CSTPP1: variants seen among roughly 807,000 people sequenced by gnomAD.
CSTPP1 encodes centriolar satellite-associated tubulin polyglutamylase complex regulator 1.
At chr11:47,103,399 C>CAAA in the CSTPP1 span, among the ~76,000 whole-genome samples, 5 of 131,006 alleles carry the variant, frequency 3.8e-5, no homozygotes, top group South Asian at 2.4e-4. Flanking sequence ...GACCCTGTCT[C>CAAA]AAAAAAAAAA....
the CSTPP1 span, among the ~76,000 whole-genome samples, chr11:47,033,602 T>C: frequency 2.6e-5 from 4 of 152,230 alleles, no homozygotes; most frequent in Admixed American, 2.0e-4. Flanking sequence ...CATGATCTCC[T>C]TGATTGGCTC....
At chr11:47,069,698 GTTTAT>G in the CSTPP1 span, among the ~76,000 whole-genome samples, 1 of 151,938 alleles carries the variant, frequency 6.6e-6, no homozygotes, top group African/African-American at 2.4e-5. Context: ...TGTTGTTGCT[GTTTAT>G]TTTATTATTA....
chr11:46,955,517 C>A, the CSTPP1 span, among the ~76,000 whole-genome samples: 2 of 151,972 alleles, frequency 1.3e-5, no homozygotes, highest in Admixed American at 1.3e-4. Context: ...GTATGCGCCA[C>A]CACACCTGGC....
At chr11:47,137,597 G>A in the CSTPP1 span, 2 of 1,613,612 alleles carry the variant, frequency 1.2e-6, no homozygotes, top group African/African-American at 2.7e-5. Flanking sequence ...AGAGGGCAGT[G>A]ACTTGAAATG....
the CSTPP1 span, among the ~76,000 whole-genome samples, chr11:46,956,144 T>G: frequency 0.089 from 13,490 of 152,136 alleles, 1,998 homozygotes; most frequent in African/African-American, 0.31. Context: ...TGTGTGTGGG[T>G]GTGTAAGTTT....
At chr11:47,051,487 T>C in the CSTPP1 span, among the ~76,000 whole-genome samples, 1 of 152,152 alleles carries the variant, frequency 6.6e-6, no homozygotes, top group African/African-American at 2.4e-5. Flanking sequence ...GGCCACTTTA[T>C]ACCCTTGTTT....
At chr11:46,960,601 A>T in the CSTPP1 span, among the ~76,000 whole-genome samples, 2 of 152,204 alleles carry the variant, frequency 1.3e-5, no homozygotes, top group Non-Finnish European at 2.9e-5. Flanking sequence ...TGGCTAACCC[A>T]GCACTTTGGG....
At chr11:47,041,435 T>A in the CSTPP1 span, 1 of 276,824 alleles carries the variant, frequency 3.6e-6, no homozygotes, top group African/African-American at 2.2e-5. Context: ...TGTGTTCATG[T>A]CCCCAAGACC....
the CSTPP1 span, among the ~76,000 whole-genome samples, chr11:46,949,588 C>T: frequency 6.7e-6 from 1 of 148,902 alleles, no homozygotes; most frequent in South Asian, 2.1e-4. Flanking sequence ...GAGAAACAAA[C>T]TTAGAAGGAA....
chr11:46,941,375 T>C, the CSTPP1 span, among the ~76,000 whole-genome samples: 1 of 152,224 alleles, frequency 6.6e-6, no homozygotes, highest in Non-Finnish European at 1.5e-5. Flanking sequence ...AGTCTCGCTC[T>C]GTCACCCAGG....
chr11:47,088,458 T>C, the CSTPP1 span, among the ~76,000 whole-genome samples: 1 of 152,198 alleles, frequency 6.6e-6, no homozygotes, highest in Non-Finnish European at 1.5e-5. Flanking sequence ...ATTAATTACA[T>C]CTGTTTTGTA....
the CSTPP1 span, among the ~76,000 whole-genome samples, chr11:47,019,515 T>C: frequency 6.6e-6 from 1 of 152,166 alleles, no homozygotes. Context: ...GGGTTATTAG[T>C]TGACCTAATT....
chr11:46,996,212 G>A, the CSTPP1 span, among the ~76,000 whole-genome samples: 8 of 152,092 alleles, frequency 5.3e-5, no homozygotes, highest in Non-Finnish European at 7.4e-5. Flanking sequence ...GCACACTGAT[G>A]GGTCTTGACT....
chr11:47,054,874 T>A, the CSTPP1 span, among the ~76,000 whole-genome samples: 1 of 151,394 alleles, frequency 6.6e-6, no homozygotes, highest in African/African-American at 2.4e-5. Flanking sequence ...CTTGGGCCAC[T>A]GGGTAAGAAT....
the CSTPP1 span, chr11:47,161,320 A>G: frequency 6.3e-7 from 1 of 1,590,990 alleles, no homozygotes; most frequent in South Asian, 1.1e-5. Flanking sequence ...TCTGGGGGCC[A>G]GTGGAGGCCT....
At chr11:47,149,760 A>G in the CSTPP1 span, among the ~76,000 whole-genome samples, 1 of 152,108 alleles carries the variant, frequency 6.6e-6, no homozygotes, top group Non-Finnish European at 1.5e-5. Flanking sequence ...AGACCTCTGA[A>G]CATCAAACTG....
chr11:47,041,583 G>A, the CSTPP1 span: 1 of 401,630 alleles, frequency 2.5e-6, no homozygotes, highest in Non-Finnish European at 5.1e-6. Flanking sequence ...CCTCATTGAT[G>A]CCGGGAAAGG....
At chr11:47,097,116 C>A in the CSTPP1 span, among the ~76,000 whole-genome samples, 5 of 138,520 alleles carry the variant, frequency 3.6e-5, no homozygotes, top group South Asian at 2.4e-4. Flanking sequence ...GTCAGCCCCC[C>A]GCCTGGCCAG....
the CSTPP1 span, among the ~76,000 whole-genome samples, chr11:46,969,925 C>T: frequency 3.9e-5 from 6 of 152,036 alleles, no homozygotes; most frequent in South Asian, 4.1e-4. Flanking sequence ...TCACCACACC[C>T]GACTAATTTT....
Sources: gnomAD v4.1 joint callset for allele counts (sites outside exome capture counted in the v4.1 genomes callset) on GRCh38, gnomAD v4.1.1 for gene constraint, MANE v1.5 for transcripts, NCBI Gene and HGNC (gene_info 2026-07-23, HGNC 2026-07-21) for gene names.